Variants in GFI1B observed in about 807,000 individuals in gnomAD.
GFI1B encodes zinc finger protein Gfi-1b.
GFI1B carries 20 observed loss-of-function variants against 35.3 expected under a neutral mutation model. The ratio of observed to expected loss-of-function variants is 0.57; its 90% CI spans 0.40 to 0.82. The LOEUF (loss-of-function observed/expected upper bound fraction) is 0.82. Among genes scored for constraint, GFI1B ranks in the 40% least tolerant of loss-of-function variants. The pLI, the probability that GFI1B is intolerant of heterozygous loss-of-function variation, is 0.00. For synonymous variants in GFI1B, 178 were observed against 177.6 expected (o/e 1.00, Z -0.02); for missense variants, 430 against 446.3 (o/e 0.96, Z 0.33).
chr9:132,988,601 T>C, intron 4 of GFI1B, 133 bp downstream of exon 4: 2 of 829,380 alleles, frequency 2.4e-6, no homozygotes, highest in Non-Finnish European at 1.9e-6. Context: ...AAAACGTTCA[T>C]CCTCATCACC....
At chr9:132,948,596 G>A (rs889370231) in intron 1 of GFI1B, among the ~76,000 whole-genome samples, 2 of 152,234 alleles carry the variant, frequency 1.3e-5, no homozygotes, top group Admixed American at 6.5e-5. Context: ...AGCTCTCTGT[G>A]CAGCAGCCTC....
upstream of GFI1B, among the ~76,000 whole-genome samples, chr9:132,975,590 A>G (rs1564529350): frequency 6.6e-6 from 1 of 151,670 alleles, no homozygotes; most frequent in African/African-American, 2.4e-5. Flanking sequence ...GCTCTTTCCT[A>G]CCCTCTAGAC....
At chr9:132,992,782 G>A (rs1444985303), downstream of GFI1B, among the ~76,000 whole-genome samples, 2 of 152,088 alleles carry the variant, frequency 1.3e-5, no homozygotes, top group African/African-American at 2.4e-5. Context: ...ATAACTTCAG[G>A]AGGTCTTCTG....
intron 3 of GFI1B, 152 bp from the exon 4 acceptor site, chr9:132,988,045 C>G: frequency 1.4e-6 from 1 of 696,618 alleles, no homozygotes; most frequent in South Asian, 1.6e-5. Flanking sequence ...AGAGTTTCAC[C>G]ACGTTGGTCC....
In GFI1B at chr9:132,988,444, G is replaced by A. The variant is rs1447852068; in HGVS notation, c.486G>A (p.Ala162=). ...FSLRYSPGMD[A]YHCVKCNKVF... ...TCCGCTACTCCCCAGGCATGGATGC[G>A]TACCACTGTGTGAAGTGCAACAAGG... Residue 162 remains alanine (A), a synonymous_variant, in exon 4 of 7, where the codon GCG becomes GCA. Transcript: ENST00000372122. 27 of 1,613,690 alleles carry A rather than the reference G, an allele frequency of 1.7e-5. No homozygotes were observed. The highest frequency in any genetic ancestry group is 2.1e-5 in the Non-Finnish European group (25 of 1,180,026).
chr9:132,967,136 T>C lies in GFI1B; in HGVS notation c.-700-5589T>C, dbSNP rs1007270189. Among the ~76,000 whole-genome samples, 3 of 152,304 alleles carry C rather than the reference T, an allele frequency of 2.0e-5. No individual in the cohort carries two copies. The East Asian group carries it at 5.8e-4, about 29-fold the overall frequency. On this transcript the variant is annotated intron_variant, in intron 1 of 10. Coordinates refer to the GFI1B transcript ENST00000339463. ...GGAAGTTCAGCCCCCACCTGTACTCTCTCTGTCTTCGGTGCTTGCCTGCCC... is the reference window on the plus strand; with the variant it reads ...GGAAGTTCAGCCCCCACCTGTACTCCCTCTGTCTTCGGTGCTTGCCTGCCC...
In GFI1B at chr9:132,989,666, T is replaced by C; in HGVS notation, c.649-76T>C. ...TCCAGGCCGCCCCAATGGAGTGTCC[T>C]GTTCCGCAGGGGATCCCGGCCGGGT... On this transcript the variant is annotated intron_variant, in intron 5 of 6. Transcript: ENST00000372122. The surrounding 1 kb of genome is among the most constrained non-coding windows in gnomAD (Gnocchi z 6.2). 4 of 1,250,006 alleles carry C rather than the reference T, an allele frequency of 3.2e-6. No individual in the cohort carries two copies. Among genetic ancestry groups the C allele is most frequent in the Non-Finnish European group, 4.6e-6 (4 of 866,288 alleles). The allele number at this position is 1,250,006 out of a possible 1,614,324, so 77.4% of individuals were successfully genotyped here. A position where few individuals can be genotyped will look rare whatever the true frequency, so the allele number is the denominator to read the frequency against.
upstream of GFI1B, among the ~76,000 whole-genome samples, chr9:132,974,257 A>T (rs561978468): frequency 6.6e-6 from 1 of 152,334 alleles, no homozygotes; most frequent in South Asian, 2.1e-4. Context: ...CTCTTGTAGC[A>T]TGGACATTCC....
intron 4 of GFI1B, 65 bp from the exon 5 acceptor site, chr9:132,988,995 TG>T: frequency 6.6e-7 from 1 of 1,513,244 alleles, no homozygotes; most frequent in South Asian, 1.1e-5. Flanking sequence ...GAAGAGACCA[TG>T]GGACCCCAGG....
chr9:132,981,886 G>A (rs1323944009), intron 1 of GFI1B, among the ~76,000 whole-genome samples: 1 of 152,100 alleles, frequency 6.6e-6, no homozygotes, highest in Admixed American at 6.6e-5. Flanking sequence ...CCGAGTAGCT[G>A]GGATTACAGG....
intron 1 of GFI1B, among the ~76,000 whole-genome samples, chr9:132,964,047 C>T (rs1848411271): frequency 6.6e-6 from 1 of 152,122 alleles, no homozygotes; most frequent in Non-Finnish European, 1.5e-5. Flanking sequence ...TCAAGACCAG[C>T]CTGGCCAACA....
rs540758337 is a variant in GFI1B, at chr9:132,989,667, G to T, written c.649-75G>T. On this transcript the variant is annotated intron_variant, in intron 5 of 6. Transcript: ENST00000372122. This position sits in a 1 kb window ranked among gnomAD's most constrained non-coding sequence, Gnocchi z 6.2. ...CCAGGCCGCCCCAATGGAGTGTCCT[G>T]TTCCGCAGGGGATCCCGGCCGGGTC... 1,017 of 1,278,682 alleles carry T rather than the reference G, an allele frequency of 8.0e-4. 2 individuals carry two copies. Among genetic ancestry groups the T allele is most frequent in the Non-Finnish European group, 1.0e-3 (907 of 892,216 alleles). 79.2% of individuals were successfully genotyped at this position (1,278,682 alleles called of 1,614,324 possible).
At chr9:132,968,362 T>C (rs1274583209) in intron 1 of GFI1B, among the ~76,000 whole-genome samples, 1 of 151,868 alleles carries the variant, frequency 6.6e-6, no homozygotes, top group Non-Finnish European at 1.5e-5. Context: ...GCTCGAGCAA[T>C]CCTCCCACTT....
chr9:132,948,244 G>C (rs575242089), intron 1 of GFI1B, among the ~76,000 whole-genome samples: 1 of 152,090 alleles, frequency 6.6e-6, no homozygotes, highest in East Asian at 1.9e-4. Context: ...ACTAAACTGC[G>C]ATGAGGAAGC....
chr9:132,986,946 C>T lies in GFI1B; in HGVS notation c.100+168C>T, dbSNP rs562781978. On this transcript the variant is annotated intron_variant, in intron 2 of 6. Coordinates refer to ENST00000372122, the MANE Select transcript of GFI1B (RefSeq NM_001377304.1). ...GAAAGGAGTAGACAAATGAGTGATG[C>T]CCTCATCCCTTCTGCCCTGTTAGGG... Among the ~76,000 whole-genome samples the T allele has an allele frequency of 2.0e-5, 3 of 152,356 alleles. No individual in the cohort carries two copies. The East Asian group carries it at 5.8e-4, about 29-fold the overall frequency.
At chr9:132,965,858 A>G (rs1330324616) in intron 1 of GFI1B, among the ~76,000 whole-genome samples, 2 of 152,274 alleles carry the variant, frequency 1.3e-5, no homozygotes, top group African/African-American at 4.8e-5. Flanking sequence ...TAATTGCTAT[A>G]GTGTCCACAG....
At chr9:132,969,136 C>T (rs1475099046) in intron 1 of GFI1B, among the ~76,000 whole-genome samples, 1 of 152,150 alleles carries the variant, frequency 6.6e-6, no homozygotes, top group Non-Finnish European at 1.5e-5. Context: ...TCAAGCGCTT[C>T]TCATGCCTCA....
chr9:132,973,055 T>C (rs1848557630), intron 2 of GFI1B, among the ~76,000 whole-genome samples: 1 of 152,280 alleles, frequency 6.6e-6, no homozygotes, highest in Admixed American at 6.5e-5. Context: ...AAGATGTACA[T>C]AGAGCAGACG....
chr9:132,987,546 C>A, intron 3 of GFI1B, 127 bp downstream of exon 3: 2 of 1,085,656 alleles, frequency 1.8e-6, no homozygotes, highest in Non-Finnish European at 2.7e-6. Flanking sequence ...CTGGATGCAG[C>A]CCGGGCTCTG....
Sources: allele counts gnomAD v4.1 joint callset (sites outside exome capture counted in the v4.1 genomes callset), GRCh38; gene constraint gnomAD v4.1.1; non-coding constraint Gnocchi (gnomAD v3.1); transcripts MANE v1.5; gene names NCBI Gene and HGNC (gene_info 2026-07-23, HGNC 2026-07-21).